PDSS2: variants seen among roughly 807,000 people sequenced by gnomAD.
PDSS2 encodes decaprenyl diphosphate synthase subunit 2.
A neutral mutation model predicts 44.5 loss-of-function variants in PDSS2; 31 were observed. The ratio of observed to expected loss-of-function variants is 0.70; its 90% CI spans 0.52 to 0.94. PDSS2 has a LOEUF of 0.94. PDSS2 is among the 40% of genes least tolerant of loss of function. PDSS2 has a pLI of 0.00. For missense variants in PDSS2, 452 were observed against 482.2 expected (o/e 0.94, Z 0.59); for synonymous variants, 157 against 180.3 (o/e 0.87, Z 1.03).
In PDSS2 at chr6:107,153,293, C is replaced by T. The variant is rs1770771405; in HGVS notation, c.*1326G>A. The T allele has an allele frequency of 6.6e-6, 1 of 152,600 alleles. No homozygotes were observed. The highest frequency in any genetic ancestry group is 2.4e-5 in the African/African-American group (1 of 41,436). 9.5% of individuals were successfully genotyped at this position (152,600 alleles called of 1,614,324 possible). A position where few individuals can be genotyped will look rare whatever the true frequency, so the allele number is the denominator to read the frequency against. On this transcript the variant is annotated 3_prime_UTR_variant, in exon 8 of 8. Coordinates refer to ENST00000369037, the MANE Select transcript of PDSS2 (RefSeq NM_020381.4). Reference sequence around the variant, plus strand: ...TCAGCCTTCTTGTCAACGGTGTTCTCAAATTGCATGAGTGCAAACCTCAAA... The same window carrying T: ...TCAGCCTTCTTGTCAACGGTGTTCTTAAATTGCATGAGTGCAAACCTCAAA...
intron 1 of PDSS2, among the ~76,000 whole-genome samples, chr6:107,423,357 T>C (rs1780887342): frequency 6.6e-6 from 1 of 152,150 alleles, no homozygotes; most frequent in Non-Finnish European, 1.5e-5. Context: ...AAAAAAAGAA[T>C]TTCATTTCTG....
chr6:107,175,573 AT>A (rs1307864588), intron 7 of PDSS2, among the ~76,000 whole-genome samples: 2 of 152,220 alleles, frequency 1.3e-5, no homozygotes, highest in African/African-American at 2.4e-5. Flanking sequence ...TAGAAAAAAA[AT>A]ACCTCCAGTC....
chr6:107,209,727 C>T (rs1041115819), intron 6 of PDSS2, among the ~76,000 whole-genome samples: 1 of 152,024 alleles, frequency 6.6e-6, no homozygotes, highest in Non-Finnish European at 1.5e-5. Context: ...CATGCTCTCT[C>T]CTTTAAGGAT....
In PDSS2 at chr6:107,373,172, C is replaced by T. The variant is rs960384858; in HGVS notation, c.297-38840G>A. The stretch of plus-strand genomic sequence containing the variant: ...CTAATTTTTGTATTTTTAGTAGAGA[C>T]GGGGTTTCCCCATGTTGGCTCAGAT... On this transcript the variant is annotated intron_variant, in intron 1 of 7. Coordinates refer to ENST00000369037, the MANE Select transcript of PDSS2 (RefSeq NM_020381.4). Among the ~76,000 whole-genome samples, 21 of 151,868 alleles carry T rather than the reference C, an allele frequency of 1.4e-4. No individual in the cohort carries two copies. The South Asian group carries it at 3.9e-3, about 29-fold the overall frequency.
At chr6:107,345,168 C>T (rs929664662) in intron 1 of PDSS2, among the ~76,000 whole-genome samples, 7 of 151,890 alleles carry the variant, frequency 4.6e-5, no homozygotes, top group African/African-American at 1.5e-4. Flanking sequence ...CCCACTACCA[C>T]AGCCCGTCTG....
At chr6:107,158,428 GC>G (rs1420371584) in intron 7 of PDSS2, among the ~76,000 whole-genome samples, 1 of 151,988 alleles carries the variant, frequency 6.6e-6, no homozygotes, top group African/African-American at 2.4e-5. Flanking sequence ...CAGGTGATCT[GC>G]CCACCTCAGC....
At chr6:107,176,033 T>TTTTATTTATTTA (rs200788409) in intron 7 of PDSS2, among the ~76,000 whole-genome samples, 1 of 151,878 alleles carries the variant, frequency 6.6e-6, no homozygotes. Flanking sequence ...TTTTCACTGC[T>TTTTATTTATTTA]TTTATTTATT....
At position 107,170,282 on chromosome 6, in the gene PDSS2, C is replaced by T. The variant is rs200009869; in HGVS notation, c.1042-15505G>A. 5.3e-5 allele frequency among the ~76,000 whole-genome samples: 8 copies of T among 152,266 alleles called. No homozygotes were observed. The East Asian group carries it at 5.8e-4, about 11-fold the overall frequency. ...GGCGTGGGATCCTCTGAGCCAGGCA[C>T]GGGATATAATCTCCTAGTGTGCCGT... On this transcript the variant is annotated intron_variant, in intron 7 of 7. Transcript: ENST00000369037.
chr6:107,356,922 T>C (rs190012838), intron 1 of PDSS2, among the ~76,000 whole-genome samples: 1 of 152,302 alleles, frequency 6.6e-6, no homozygotes, highest in Admixed American at 6.5e-5. Context: ...TATTTGTGTG[T>C]CTGGTGCTAT....
chr6:107,400,727 G>A lies in PDSS2; in HGVS notation c.296+58263C>T, dbSNP rs1040182910. Among the ~76,000 whole-genome samples the A allele has an allele frequency of 2.0e-5, 3 of 152,278 alleles. No individual in the cohort carries two copies. In the East Asian group the frequency reaches 5.8e-4, roughly 29 times the overall value. On this transcript the variant is annotated intron_variant, in intron 1 of 7. Coordinates refer to ENST00000369037, the MANE Select transcript of PDSS2 (RefSeq NM_020381.4). ...AGTGGTTGTCCTACTGCTCCCTGGA[G>A]TGTTGCTCCAGGGGCTTGAAAACAG...
chr6:107,429,702 T>G (rs1378671250), intron 1 of PDSS2, among the ~76,000 whole-genome samples: 1 of 151,086 alleles, frequency 6.6e-6, no homozygotes, highest in Non-Finnish European at 1.5e-5. Context: ...CTGACCAACA[T>G]GGAGAAACCC....
chr6:107,458,529 C>T (rs1782131610), intron 1 of PDSS2, among the ~76,000 whole-genome samples: 1 of 151,444 alleles, frequency 6.6e-6, no homozygotes, highest in Non-Finnish European at 1.5e-5. Context: ...TAAATTCCTA[C>T]TTCAACCCCA....
Position 107,301,781 on chromosome 6 carries a change from G to A in PDSS2, c.432-27554C>T, listed in dbSNP as rs142375006. On this transcript the variant is annotated intron_variant, in intron 2 of 7. Coordinates refer to ENST00000369037, the MANE Select transcript of PDSS2 (RefSeq NM_020381.4). ...GTTTGAGACCAGCTTGACCAACATG[G>A]TGAAACCTCATCTCTACTAAAATTA... Among the ~76,000 whole-genome samples the A allele has an allele frequency of 2.5e-3, 378 of 152,064 alleles. 1 individual carries two copies. Among genetic ancestry groups the A allele is most frequent in the Middle Eastern group, 6.8e-3 (2 of 294 alleles).
intron 1 of PDSS2, among the ~76,000 whole-genome samples, chr6:107,361,849 T>A (rs1778784688): frequency 6.6e-6 from 1 of 152,100 alleles, no homozygotes; most frequent in Non-Finnish European, 1.5e-5. Flanking sequence ...ACAATATGAG[T>A]TTAAGACATC....
intron 2 of PDSS2, among the ~76,000 whole-genome samples, chr6:107,322,201 T>G (rs1239172233): frequency 6.6e-6 from 1 of 152,036 alleles, no homozygotes; most frequent in African/African-American, 2.4e-5. Context: ...AATTGAAGAG[T>G]TAAGGATGTT....
chr6:107,295,351 C>A (rs1776478742), intron 2 of PDSS2, among the ~76,000 whole-genome samples: 1 of 152,078 alleles, frequency 6.6e-6, no homozygotes, highest in Non-Finnish European at 1.5e-5. Flanking sequence ...ATGAAGGATG[C>A]CAATTATGTT....
chr6:107,262,102 G>T (rs1446752988), intron 3 of PDSS2, among the ~76,000 whole-genome samples: 1 of 151,022 alleles, frequency 6.6e-6, no homozygotes, highest in African/African-American at 2.4e-5. Context: ...TAGAGACGGG[G>T]TTTCACTGTG....
chr6:107,167,394 G>A (rs1554247735), intron 7 of PDSS2, among the ~76,000 whole-genome samples: 2 of 152,102 alleles, frequency 1.3e-5, no homozygotes, highest in South Asian at 2.1e-4. Context: ...TCTTGCTAGT[G>A]GTCTATCAAT....
chr6:107,434,084 T>A (rs1285457754), intron 1 of PDSS2, among the ~76,000 whole-genome samples: 1 of 152,186 alleles, frequency 6.6e-6, no homozygotes, highest in East Asian at 1.9e-4. Context: ...AAAATGGCTT[T>A]CATCAAAAGA....
Sources: gnomAD v4.1 joint callset for allele counts (sites outside exome capture counted in the v4.1 genomes callset) on GRCh38, gnomAD v4.1.1 for gene constraint, MANE v1.5 for transcripts, NCBI Gene and HGNC (gene_info 2026-07-23, HGNC 2026-07-21) for gene names.